KALRN: variants seen among roughly 807,000 people sequenced by gnomAD.
KALRN encodes kalirin RhoGEF kinase.
Under a neutral mutation model 353.7 loss-of-function variants are expected in KALRN, and 70 were observed. That is an observed-to-expected ratio of 0.20 (90% confidence interval 0.16 to 0.24). KALRN has a LOEUF of 0.24. Among genes scored for constraint, KALRN ranks in the 10% least tolerant of loss-of-function variants. The pLI, the probability that KALRN is intolerant of heterozygous loss-of-function variation, is 1.00. For missense variants in KALRN, 2,791 were observed against 3,756.7 expected (o/e 0.74, Z 6.72); for synonymous variants, 1,391 against 1,434.8 (o/e 0.97, Z 0.69).
chr3:124,236,107 G>A (rs759996913), intron 3 of KALRN, among the ~76,000 whole-genome samples: 3 of 151,728 alleles, frequency 2.0e-5, no homozygotes, highest in South Asian at 2.1e-4. Flanking sequence ...GAAGAACTTC[G>A]GGCAGAAGAC....
At position 124,495,984 on chromosome 3, in the gene KALRN, T is replaced by TACAC. The variant is rs1243667737; in HGVS notation, c.4833-326_4833-325insCACA. On this transcript the variant is annotated intron_variant, in intron 32 of 59. Transcript: ENST00000682506. ...ATGTATGTATATATATATATATATA[T>TACAC]ATATATATATATATATATATATATA... 4.9e-4 allele frequency among the ~76,000 whole-genome samples: 23 copies of TACAC among 46,988 alleles called. 3 individuals carry two copies. The highest frequency in any genetic ancestry group is 1.7e-3 in the South Asian group (2 of 1,144). 30.8% of individuals were successfully genotyped at this position (46,988 alleles called of 152,430 possible).
Position 124,722,709 on chromosome 3 carries a change from C to G in KALRN, c.*3239C>G, listed in dbSNP as rs1484508939. On this transcript the variant is annotated 3_prime_UTR_variant, in exon 60 of 60. Transcript: ENST00000682506. The stretch of plus-strand genomic sequence containing the variant: ...CCTGTTTTGGCGGAGAGATTTATTA[C>G]TTGGTAGTAAAGAAGAGAGGAGAGA... 3 of 152,122 alleles carry G rather than the reference C, an allele frequency of 2.0e-5. No homozygotes were observed. The highest frequency in any genetic ancestry group is 7.2e-5 in the African/African-American group (3 of 41,424). The allele number at this position is 152,122 out of a possible 1,614,324, so 9.4% of individuals were successfully genotyped here. A position where few individuals can be genotyped will look rare whatever the true frequency, so the allele number is the denominator to read the frequency against.
intron 5 of KALRN, among the ~76,000 whole-genome samples, chr3:124,270,695 A>G (rs2074040118): frequency 6.6e-6 from 1 of 152,156 alleles, no homozygotes; most frequent in Admixed American, 6.5e-5. Context: ...GGCAGCTTAG[A>G]CCTCAGAATT....
At chr3:124,518,981 G>GGATGATGTGTGGTAGAGAA (rs2066932971) in intron 33 of KALRN, 1 of 989,990 alleles carries the variant, frequency 1.0e-6, no homozygotes, top group South Asian at 4.6e-5. Context: ...GAAGAAGAAG[G>GGATGATGTGTGGTAGAGAA]GATGATGTGT....
intron 23 of KALRN, among the ~76,000 whole-genome samples, chr3:124,457,310 T>A (rs1220765656): frequency 6.6e-6 from 1 of 152,216 alleles, no homozygotes; most frequent in Non-Finnish European, 1.5e-5. Flanking sequence ...CCTCAAGTGA[T>A]CTGCCCGCCT....
rs1559898914 is a variant in KALRN, at chr3:124,725,954, A to G, written c.*6484A>G. ...AAGTACATACTTCCATCAGGCTTGT[A>G]ACAATTGATTTAAAATCACTCCACA... On this transcript the variant is annotated 3_prime_UTR_variant, in exon 60 of 60. Coordinates refer to ENST00000682506, the MANE Select transcript of KALRN (RefSeq NM_001388419.1). The G allele has an allele frequency of 6.6e-6, 1 of 152,208 alleles. No homozygotes were observed. Among genetic ancestry groups the G allele is most frequent in the Non-Finnish European group, 1.5e-5 (1 of 68,038 alleles). 9.4% of individuals were successfully genotyped at this position (152,208 alleles called of 1,614,324 possible).
At chr3:124,457,633 C>T (rs767115696) in intron 23 of KALRN, among the ~76,000 whole-genome samples, 103 of 152,172 alleles carry the variant, frequency 6.8e-4, no homozygotes, top group Non-Finnish European at 3.5e-4. Context: ...ATCTTTCTAT[C>T]GCTTCTTTCA....
At chr3:124,506,133 T>TAG (rs2065194320) in intron 33 of KALRN, among the ~76,000 whole-genome samples, 2 of 152,238 alleles carry the variant, frequency 1.3e-5, no homozygotes, top group South Asian at 2.1e-4. Flanking sequence ...TCCTCAGGGC[T>TAG]TCTTCCAGGA....
intron 37 of KALRN, among the ~76,000 whole-genome samples, chr3:124,642,948 C>G (rs921636029): frequency 6.6e-6 from 1 of 151,690 alleles, no homozygotes; most frequent in Non-Finnish European, 1.5e-5. Context: ...ACCTGAGTAG[C>G]TGGGATTAAC....
intron 33 of KALRN, among the ~76,000 whole-genome samples, chr3:124,557,364 G>GACAT (rs1577962361): frequency 1.3e-5 from 2 of 152,300 alleles, no homozygotes; most frequent in East Asian, 3.9e-4. Flanking sequence ...TCACTTGTGT[G>GACAT]GTGCATCTCA....
intron 8 of KALRN, among the ~76,000 whole-genome samples, chr3:124,330,886 C>T (rs957410216): frequency 6.6e-6 from 1 of 152,148 alleles, no homozygotes; most frequent in Non-Finnish European, 1.5e-5. Context: ...TGGGTCCCAC[C>T]CCAGACTGAA....
At chr3:124,113,759 C>T (rs1157048544) in intron 1 of KALRN, among the ~76,000 whole-genome samples, 3 of 152,356 alleles carry the variant, frequency 2.0e-5, no homozygotes, top group Non-Finnish European at 2.9e-5. Context: ...AAGGTACATC[C>T]TGCCTCACTG....
chr3:124,606,482 G>A (rs942295644), intron 34 of KALRN, among the ~76,000 whole-genome samples: 1 of 152,124 alleles, frequency 6.6e-6, no homozygotes, highest in Non-Finnish European at 1.5e-5. Context: ...TTATAGTCCT[G>A]TCTCCTTAAA....
chr3:124,674,463 G>A lies in KALRN; in HGVS notation c.7042G>A (p.Val2348Ile). 6.2e-7 allele frequency: 1 copy of A among 1,614,070 alleles called. No homozygotes were observed. Among genetic ancestry groups the A allele is most frequent in the Non-Finnish European group, 8.5e-7 (1 of 1,180,020 alleles). ...NEICVSQGEV[V>I]QVLAVNQQNM... ...AATCTGTGTGAGCCAAGGTGAGGTG[G>A]TCCAGGTCCTCGCCGTCAACCAGCA... Residue 2348 changes from valine (V) to isoleucine (I), a missense_variant, in exon 49 of 60, where the codon GTC becomes ATC. By Grantham distance (29) the Val-to-Ile change is conservative. This residue lies in a region of KALRN where 1,065 missense variants were observed against 1,156.4 expected (regional missense o/e 0.92). Coordinates refer to ENST00000682506, the MANE Select transcript of KALRN (RefSeq NM_001388419.1).
chr3:124,496,002 TATATATATATACACAC>T lies in KALRN; in HGVS notation c.4833-307_4833-292del, dbSNP rs1561137520. 5.7e-3 allele frequency among the ~76,000 whole-genome samples: 257 copies of T among 45,284 alleles called. 40 individuals are homozygous for T. Among genetic ancestry groups the T allele is most frequent in the East Asian group, 0.015 (19 of 1,232 alleles). 29.7% of individuals were successfully genotyped at this position (45,284 alleles called of 152,430 possible). The stretch of plus-strand genomic sequence containing the variant: ...ATATATATATATATATATATATATA[TATATATATATACACAC>T]ACATATATACATACATACACCCCCT... On this transcript the variant is annotated intron_variant, in intron 32 of 59. Transcript: ENST00000682506.
At chr3:124,477,147 G>A in intron 26 of KALRN, 98 bp from the exon 27 acceptor site, 1 of 726,080 alleles carries the variant, frequency 1.4e-6, no homozygotes, top group Non-Finnish European at 2.3e-6. Flanking sequence ...TGGTGTCTGA[G>A]GGTCTTAACT....
At chr3:124,672,862 T>C (rs1036075328) in intron 48 of KALRN, among the ~76,000 whole-genome samples, 1 of 152,226 alleles carries the variant, frequency 6.6e-6, no homozygotes, top group African/African-American at 2.4e-5. Flanking sequence ...AGTGGCTCTA[T>C]GAATAGGAAC....
At chr3:124,513,984 G>A (rs1292159948) in intron 33 of KALRN, among the ~76,000 whole-genome samples, 2 of 152,154 alleles carry the variant, frequency 1.3e-5, no homozygotes, top group African/African-American at 4.8e-5. Context: ...GACCCTTCAG[G>A]CAGAGTAGGA....
At chr3:124,569,472 C>A (rs547187219) in intron 34 of KALRN, among the ~76,000 whole-genome samples, 1 of 152,302 alleles carries the variant, frequency 6.6e-6, no homozygotes, top group African/African-American at 2.4e-5. Context: ...TGAGCTTTAC[C>A]ATGGGTCAGG....
Sources: gnomAD v4.1 joint callset for allele counts (sites outside exome capture counted in the v4.1 genomes callset) on GRCh38, gnomAD v4.1.1 for gene constraint, gnomAD v4.1.1 regional missense constraint, MANE v1.5 for transcripts, NCBI Gene and HGNC (gene_info 2026-07-23, HGNC 2026-07-21) for gene names.